VAT1L: variants seen among roughly 807,000 people sequenced by gnomAD.
VAT1L encodes putative NADPH-dependent quinone oxidoreductase VAT1L.
VAT1L carries 34 observed loss-of-function variants against 44.1 expected under a neutral mutation model. That is an observed-to-expected ratio of 0.77 (90% CI 0.59 to 1.03). The LOEUF is 1.03. VAT1L is among the 50% of genes least tolerant of loss of function. The pLI is 0.00. For synonymous variants in VAT1L, 253 were observed against 202.2 expected (o/e 1.25, Z -2.13); for missense variants, 615 against 538.8 (o/e 1.14, Z -1.40).
intron 3 of VAT1L, among the ~76,000 whole-genome samples, chr16:77,834,373 T>A (rs1483856347): frequency 5.9e-5 from 9 of 152,224 alleles, no homozygotes; most frequent in African/African-American, 2.2e-4. Flanking sequence ...GACTGCATTT[T>A]CAAACCATCC....
At chr16:77,974,120 C>T (rs1435930478) in intron 8 of VAT1L, among the ~76,000 whole-genome samples, 1 of 152,176 alleles carries the variant, frequency 6.6e-6, no homozygotes, top group African/African-American at 2.4e-5. Flanking sequence ...CATTGTAAAA[C>T]ACCCTCTTGT....
chr16:77,958,578 G>C (rs1389785639), intron 7 of VAT1L, among the ~76,000 whole-genome samples: 3 of 151,892 alleles, frequency 2.0e-5, no homozygotes, highest in African/African-American at 7.3e-5. Flanking sequence ...GAATTCACCA[G>C]ATTTTTTTTT....
At chr16:77,957,659 AG>A (rs1188842005) in intron 7 of VAT1L, among the ~76,000 whole-genome samples, 1 of 151,934 alleles carries the variant, frequency 6.6e-6, no homozygotes, top group African/African-American at 2.4e-5. Context: ...CGGGAGGCGG[AG>A]GTTGCAGTGA....
chr16:77,834,927 T>C lies in VAT1L; in HGVS notation c.579+9466T>C, dbSNP rs1408741568. ...ATGCATTTATTCCTCAGAGGGTCTC[T>C]GTGTATGTTAAATGAGCTGATGCTT... On this transcript the variant is annotated intron_variant, in intron 3 of 8. Transcript: ENST00000302536. Among the ~76,000 whole-genome samples, 4 of 152,212 alleles carry C rather than the reference T, an allele frequency of 2.6e-5. No individual in the cohort carries two copies. The East Asian group carries it at 7.7e-4, about 29-fold the overall frequency.
chr16:77,874,214 G>A (rs1237262238), intron 4 of VAT1L, among the ~76,000 whole-genome samples: 7 of 152,140 alleles, frequency 4.6e-5, no homozygotes, highest in African/African-American at 1.7e-4. Flanking sequence ...CTGCAGGCAA[G>A]GGGAGAGGTC....
At chr16:77,840,663 T>C (rs572483434) in intron 3 of VAT1L, among the ~76,000 whole-genome samples, 1 of 152,138 alleles carries the variant, frequency 6.6e-6, no homozygotes, top group Non-Finnish European at 1.5e-5. Flanking sequence ...CACAGCAACT[T>C]AGTGATGAAT....
intron 7 of VAT1L, among the ~76,000 whole-genome samples, chr16:77,930,748 A>G (rs1034476832): frequency 2.0e-5 from 3 of 152,154 alleles, no homozygotes; most frequent in Admixed American, 6.5e-5. Context: ...GCCTGCTCCA[A>G]CATGCAGAGT....
intron 7 of VAT1L, among the ~76,000 whole-genome samples, chr16:77,926,834 G>T (rs1449423412): frequency 2.0e-5 from 3 of 151,966 alleles, no homozygotes; most frequent in Non-Finnish European, 4.4e-5. Context: ...CCCTTGGTGG[G>T]GACACCCTCC....
intron 4 of VAT1L, among the ~76,000 whole-genome samples, chr16:77,864,639 T>C (rs925702468): frequency 2.6e-5 from 4 of 151,978 alleles, no homozygotes; most frequent in Admixed American, 6.6e-5. Context: ...AAATCACAGA[T>C]TAAGATGGGA....
At chr16:77,940,965 G>C (rs929733194) in intron 7 of VAT1L, among the ~76,000 whole-genome samples, 1 of 152,126 alleles carries the variant, frequency 6.6e-6, no homozygotes, top group African/African-American at 2.4e-5. Context: ...AACAAAGAGG[G>C]AGCAGGCTTC....
At chr16:77,902,357 C>T (rs1469196974) in intron 7 of VAT1L, among the ~76,000 whole-genome samples, 1 of 152,138 alleles carries the variant, frequency 6.6e-6, no homozygotes, top group Non-Finnish European at 1.5e-5. Context: ...ACCATAAAAA[C>T]ATTGAGTAGT....
At chr16:77,906,030 C>G (rs2017433067) in intron 7 of VAT1L, among the ~76,000 whole-genome samples, 1 of 152,152 alleles carries the variant, frequency 6.6e-6, no homozygotes, top group African/African-American at 2.4e-5. Flanking sequence ...GGCCTTGGCT[C>G]ACATCAGGAA....
chr16:77,971,276 A>C (rs375167622), intron 7 of VAT1L, among the ~76,000 whole-genome samples: 5 of 152,202 alleles, frequency 3.3e-5, no homozygotes, highest in African/African-American at 1.2e-4. Flanking sequence ...CAAGCCCCCA[A>C]CATTTGAAAA....
chr16:77,913,788 G>C (rs1328599286), intron 7 of VAT1L, among the ~76,000 whole-genome samples: 1 of 152,124 alleles, frequency 6.6e-6, no homozygotes, highest in Non-Finnish European at 1.5e-5. Flanking sequence ...GATATAAACA[G>C]TAAGTTTAAG....
At chr16:77,868,509 T>A (rs1478884231) in intron 4 of VAT1L, among the ~76,000 whole-genome samples, 2 of 152,190 alleles carry the variant, frequency 1.3e-5, no homozygotes, top group Non-Finnish European at 2.9e-5. Context: ...CCACATTGTA[T>A]GAAGTAAATA....
intron 7 of VAT1L, among the ~76,000 whole-genome samples, chr16:77,961,741 G>A (rs1275082578): frequency 6.6e-6 from 1 of 152,052 alleles, no homozygotes; most frequent in Non-Finnish European, 1.5e-5. Flanking sequence ...AGGAAACCAG[G>A]TCTAATGGAA....
chr16:77,952,431 T>G (rs1442229631), intron 7 of VAT1L, among the ~76,000 whole-genome samples: 1 of 152,036 alleles, frequency 6.6e-6, no homozygotes, highest in Non-Finnish European at 1.5e-5. Flanking sequence ...AGTTTAAAAT[T>G]GTGGGGCCCC....
intron 7 of VAT1L, among the ~76,000 whole-genome samples, chr16:77,900,716 GA>G (rs113002905): frequency 2.7e-5 from 4 of 149,780 alleles, no homozygotes; most frequent in African/African-American, 7.4e-5. Flanking sequence ...AAAGAAAATA[GA>G]AAAAAAGGCA....
chr16:77,860,846 G>C (rs2016907953), intron 3 of VAT1L, among the ~76,000 whole-genome samples: 1 of 152,224 alleles, frequency 6.6e-6, no homozygotes, highest in South Asian at 2.1e-4. Context: ...CTCCAAGGGA[G>C]TGTGCCAGCA....
Sources: allele counts gnomAD v4.1 joint callset (sites outside exome capture counted in the v4.1 genomes callset), GRCh38; gene constraint gnomAD v4.1.1; transcripts MANE v1.5; gene names NCBI Gene and HGNC (gene_info 2026-07-23, HGNC 2026-07-21).